CLDN16: variants seen among roughly 807,000 people sequenced by gnomAD.
CLDN16 encodes claudin-16.
CLDN16 carries 13 observed loss-of-function variants against 24.6 expected under a neutral mutation model. The ratio of observed to expected loss-of-function variants is 0.53; its 90% CI spans 0.34 to 0.84. The LOEUF (loss-of-function observed/expected upper bound fraction) is 0.84, where lower values mean the gene tolerates loss of function less well. Ranked by LOEUF, CLDN16 falls within the 40% of genes least tolerant of loss-of-function variation. CLDN16 has a pLI of 0.01. For synonymous variants in CLDN16, 116 were observed against 106.7 expected (o/e 1.09, Z -0.54); for missense variants, 298 against 292.7 (o/e 1.02, Z -0.13).
At chr3:190,384,601 G>A (rs1718442339), upstream of CLDN16, among the ~76,000 whole-genome samples, 1 of 152,154 alleles carries the variant, frequency 6.6e-6, no homozygotes, top group Non-Finnish European at 1.5e-5. Context: ...TAGAGATCTT[G>A]CAAAATCAAT....
intron 1 of CLDN16, among the ~76,000 whole-genome samples, chr3:190,397,351 A>G (rs1162151101): frequency 1.3e-5 from 2 of 152,218 alleles, no homozygotes; most frequent in East Asian, 1.9e-4. Flanking sequence ...TTTTAAATTT[A>G]TAATCCTCTA....
intron 1 of CLDN16, among the ~76,000 whole-genome samples, chr3:190,362,540 C>G (rs2108642234): frequency 6.6e-6 from 1 of 152,052 alleles, no homozygotes; most frequent in South Asian, 2.1e-4. Context: ...CTCCAGTATC[C>G]CGCAGAGCTG....
intron 2 of CLDN16, among the ~76,000 whole-genome samples, chr3:190,402,976 C>T (rs924606857): frequency 4.6e-5 from 7 of 152,136 alleles, no homozygotes; most frequent in East Asian, 1.9e-4. Flanking sequence ...ACACATGTGA[C>T]GCACTGTTAC....
chr3:190,380,256 T>TCC lies in CLDN16; in HGVS notation n.306+5653_306+5654insCC, dbSNP rs57126146. ...TCCTTCCCTCCCTTCCTTCCTTCCT[T>TCC]TCTTCCTTCCTTCCTTCTGTTTTTT... is the stretch of plus-strand genomic sequence containing the variant. On this transcript the variant is annotated intron_variant and non_coding_transcript_variant, in intron 3 of 4. Transcript: ENST00000468220. Among the ~76,000 whole-genome samples, 314 of 100,204 alleles carry TCC rather than the reference T, an allele frequency of 3.1e-3. 7 individuals carry two copies. The highest frequency in any genetic ancestry group is 4.8e-3 in the East Asian group (14 of 2,934). The allele number at this position is 100,204 out of a possible 152,430, so 65.7% of individuals were successfully genotyped here. A position where few individuals can be genotyped will look rare whatever the true frequency, so the allele number is the denominator to read the frequency against.
intron 3 of CLDN16, among the ~76,000 whole-genome samples, chr3:190,381,340 T>A (rs574991107): frequency 6.6e-6 from 1 of 152,228 alleles, no homozygotes; most frequent in African/African-American, 2.4e-5. Context: ...TGTTGCTTGA[T>A]CACTGTTACT....
At chr3:190,342,716 AAGAT>A (rs1368567250) in intron 1 of CLDN16, among the ~76,000 whole-genome samples, 1 of 152,352 alleles carries the variant, frequency 6.6e-6, no homozygotes, top group East Asian at 1.9e-4. Context: ...CAATGGGAAA[AAGAT>A]AGTGTTTTCA....
chr3:190,315,875 A>G, the CLDN16 span, among the ~76,000 whole-genome samples: 4 of 152,172 alleles, frequency 2.6e-5, no homozygotes, highest in Non-Finnish European at 4.4e-5. Flanking sequence ...GGACTGTGTA[A>G]AACCCCTGAT....
chr3:190,387,969 C>T (rs1293419090), upstream of CLDN16: 3 of 711,756 alleles, frequency 4.2e-6, no homozygotes, highest in African/African-American at 5.2e-5. Flanking sequence ...CTTCCTCCTT[C>T]CCCCGTCTTG....
Position 190,372,380 on chromosome 3 carries a change from T to C in CLDN16, n.230+1379T>C, listed in dbSNP as rs531773603. ...GTATTGAGCCTGGCACAGTGGAGCC[T>C]ACCTGTTTACCCAGATACTCAAGAG... On this transcript the variant is annotated intron_variant and non_coding_transcript_variant, in intron 2 of 4. Transcript: ENST00000468220. 3.0e-4 allele frequency among the ~76,000 whole-genome samples: 46 copies of C among 152,002 alleles called. No homozygotes were observed. The South Asian group carries it at 9.3e-3, about 31-fold the overall frequency.
chr3:190,377,494 C>T (rs1718271009), intron 3 of CLDN16, among the ~76,000 whole-genome samples: 1 of 151,824 alleles, frequency 6.6e-6, no homozygotes, highest in African/African-American at 2.4e-5. Flanking sequence ...AGCTTTGTCC[C>T]TGGTAAAACA....
At chr3:190,348,548 CA>C (rs1183448788) in intron 1 of CLDN16, among the ~76,000 whole-genome samples, 1 of 152,156 alleles carries the variant, frequency 6.6e-6, no homozygotes, top group East Asian at 1.9e-4. Context: ...GTGGTCAGAC[CA>C]GAAGAAAGAA....
At chr3:190,325,711 A>C (rs1717046384) in intron 1 of CLDN16, among the ~76,000 whole-genome samples, 1 of 152,330 alleles carries the variant, frequency 6.6e-6, no homozygotes, top group South Asian at 2.1e-4. Context: ...AGATTCTCAG[A>C]AATGGTTAAT....
the CLDN16 span, among the ~76,000 whole-genome samples, chr3:190,296,520 G>A: frequency 1.3e-5 from 2 of 151,768 alleles, no homozygotes; most frequent in African/African-American, 2.4e-5. Flanking sequence ...AACGTATGAG[G>A]ATGGGAAAGT....
intron 1 of CLDN16, among the ~76,000 whole-genome samples, chr3:190,370,344 A>G (rs572680300): frequency 2.0e-5 from 3 of 151,990 alleles, no homozygotes; most frequent in Non-Finnish European, 4.4e-5. Flanking sequence ...TTTATGTTGT[A>G]TCTTTAGCTA....
At chr3:190,294,607 A>C in the CLDN16 span, among the ~76,000 whole-genome samples, 1 of 152,164 alleles carries the variant, frequency 6.6e-6, no homozygotes, top group Admixed American at 6.5e-5. Context: ...TTTCTTTAAA[A>C]GTTTGAAATT....
intron 1 of CLDN16, among the ~76,000 whole-genome samples, chr3:190,340,472 A>G (rs1357213840): frequency 1.3e-5 from 2 of 152,230 alleles, no homozygotes; most frequent in East Asian, 3.9e-4. Context: ...ATCAAATCTC[A>G]TGAGTCTTAC....
chr3:190,360,622 C>T (rs1003079237), intron 1 of CLDN16, among the ~76,000 whole-genome samples: 5 of 151,876 alleles, frequency 3.3e-5, no homozygotes, highest in Non-Finnish European at 5.9e-5. Context: ...TTTGGTTGAA[C>T]ATCAGCCAGT....
At chr3:190,308,375 C>T in the CLDN16 span, 3 of 1,613,662 alleles carry the variant, frequency 1.9e-6, no homozygotes, top group Non-Finnish European at 2.5e-6. Flanking sequence ...CAAAGTAGGG[C>T]ACCTCCCAGA....
intron 1 of CLDN16, among the ~76,000 whole-genome samples, chr3:190,340,935 C>G (rs1186419292): frequency 6.6e-6 from 1 of 152,190 alleles, no homozygotes; most frequent in Non-Finnish European, 1.5e-5. Context: ...AATCTTAAAG[C>G]TCCAAAATGA....
Sources: allele counts gnomAD v4.1 joint callset (sites outside exome capture counted in the v4.1 genomes callset), GRCh38; gene constraint gnomAD v4.1.1; transcripts MANE v1.5; gene names NCBI Gene and HGNC (gene_info 2026-07-23, HGNC 2026-07-21).